The following SENP7 variants were observed in gnomAD, a reference collection of about 807,000 sequenced individuals.
SENP7 encodes the protein SUMO specific peptidase 7, also known as sentrin-specific protease 7.
A neutral mutation model predicts 141.2 loss-of-function variants in SENP7; 64 were observed. The ratio of observed to expected loss-of-function variants is 0.45; its 90% confidence interval spans 0.37 to 0.56. The LOEUF is 0.56. SENP7 is among the 20% of genes least tolerant of loss of function. The pLI is 0.00. For missense variants in SENP7, 1,025 were observed against 1,212.2 expected, an observed-to-expected ratio of 0.85 and a Z score of 2.29; for synonymous variants, 382 against 426.4, an observed-to-expected ratio of 0.90 and a Z score of 1.28.
At chr3:101,469,256 G>C (rs2063883103) in intron 3 of SENP7, among the ~76,000 whole-genome samples, 2 of 151,978 alleles carry the variant, frequency 1.3e-5, no homozygotes, top group Admixed American at 1.3e-4. Context: ...CATAAAGCAA[G>C]TCCTTAGAGA....
At chr3:101,408,115 C>A (rs1164348261) in intron 5 of SENP7, among the ~76,000 whole-genome samples, 1 of 151,988 alleles carries the variant, frequency 6.6e-6, no homozygotes, top group East Asian at 1.9e-4. Flanking sequence ...ACTGACAACA[C>A]AGAAATACAA....
At chr3:101,372,631 T>A (rs1281687855) in intron 6 of SENP7, among the ~76,000 whole-genome samples, 1 of 151,942 alleles carries the variant, frequency 6.6e-6, no homozygotes, top group African/African-American at 2.4e-5. Flanking sequence ...AAATAACAAA[T>A]TTTGGAATGA....
Position 101,331,470 on chromosome 3 carries a change from T to TAA in SENP7, c.2698+513_2698+514dup, listed in dbSNP as rs56780926. 1.8e-3 allele frequency among the ~76,000 whole-genome samples: 252 copies of TAA among 137,306 alleles called. 1 individual carries two copies. The highest frequency in any genetic ancestry group is 0.012 in the East Asian group (58 of 4,784). 90.1% of individuals were successfully genotyped at this position (137,306 alleles called of 152,430 possible). ...TGCACTACACCAAGACAACGTCTCT[T>TAA]AAAAAAAAAAAAAAAGTATGTTGTA... On this transcript the variant is annotated intron_variant, in intron 19 of 23. Transcript: ENST00000394095.
chr3:101,348,025 C>A lies in SENP7; in HGVS notation c.1684G>T (p.Val562Leu). 1 of 1,596,800 alleles carries A rather than the reference C, an allele frequency of 6.3e-7. No homozygotes were observed. The highest frequency in any genetic ancestry group is 8.5e-7 in the Non-Finnish European group (1 of 1,173,336). Residue 562 changes from valine to leucine, a missense_variant, in exon 13 of 24, where the codon GTG (valine) becomes TTG (leucine). Coordinates refer to ENST00000394095, the MANE Select transcript of SENP7 (RefSeq NM_020654.5). ...QVSLNEISLL[V>L]DTTHLKRFGL... is the part of the protein sequence containing the mutation. The stretch of plus-strand genomic sequence containing the variant: ...AACCGCTTTAAATGTGTGGTATCCA[C>A]TAGCAATGAAATCTCATTCAGGGAC...
At chr3:101,377,206 G>A (rs2060361970) in intron 6 of SENP7, among the ~76,000 whole-genome samples, 1 of 152,126 alleles carries the variant, frequency 6.6e-6, no homozygotes, top group African/African-American at 2.4e-5. Context: ...CATGAAAGGA[G>A]CTTGGAAGTT....
At chr3:101,513,208 GAAAGGAAAAAAA>G in exon 1 of SENP7, 3 of 261,572 alleles carry the variant, frequency 1.1e-5, no homozygotes, top group Non-Finnish European at 1.3e-5. Flanking sequence ...AGGGGGAGGG[GAAAGGAAAAAAA>G]AAAAAAAAAA....
chr3:101,411,233 G>C (rs2061449489), intron 5 of SENP7, among the ~76,000 whole-genome samples: 1 of 152,126 alleles, frequency 6.6e-6, no homozygotes, highest in African/African-American at 2.4e-5. Context: ...ACAATAAATG[G>C]AATATCACTT....
At chr3:101,398,011 GGCACAACAA>G (rs2061020090) in intron 6 of SENP7, among the ~76,000 whole-genome samples, 1 of 152,086 alleles carries the variant, frequency 6.6e-6, no homozygotes, top group African/African-American at 2.4e-5. Flanking sequence ...TTCTCTTATT[GGCACAACAA>G]GCTACATTTG....
At chr3:101,361,186 C>T (rs1325964205) in intron 11 of SENP7, among the ~76,000 whole-genome samples, 1 of 149,946 alleles carries the variant, frequency 6.7e-6, no homozygotes, top group East Asian at 2.0e-4. Context: ...GCACTCCAGC[C>T]TGGGTGAAAC....
intron 6 of SENP7, among the ~76,000 whole-genome samples, chr3:101,382,682 A>G (rs531393014): frequency 6.6e-6 from 1 of 152,352 alleles, no homozygotes; most frequent in East Asian, 1.9e-4. Flanking sequence ...CAGAACTTCA[A>G]TTAGGAAAGT....
intron 6 of SENP7, among the ~76,000 whole-genome samples, chr3:101,377,667 C>G (rs2060374829): frequency 6.6e-6 from 1 of 152,166 alleles, no homozygotes; most frequent in Non-Finnish European, 1.5e-5. Flanking sequence ...AGAGCCTAAA[C>G]TATGAGTTAT....
intron 6 of SENP7, among the ~76,000 whole-genome samples, chr3:101,384,526 C>T (rs1434589611): frequency 2.0e-5 from 3 of 152,226 alleles, no homozygotes; most frequent in Non-Finnish European, 2.9e-5. Context: ...ACTTGCAGTA[C>T]GACTGGTCCA....
intron 3 of SENP7, among the ~76,000 whole-genome samples, chr3:101,489,146 G>A (rs1253156947): frequency 1.3e-5 from 2 of 152,134 alleles, no homozygotes; most frequent in Non-Finnish European, 2.9e-5. Context: ...AGCCTTACAA[G>A]AAAGAGGTCC....
intron 3 of SENP7, among the ~76,000 whole-genome samples, chr3:101,461,406 A>T (rs1398645481): frequency 1.3e-5 from 2 of 152,194 alleles, no homozygotes; most frequent in African/African-American, 4.8e-5. Flanking sequence ...AAACACAAAA[A>T]AATGCAAGTC....
intron 5 of SENP7, chr3:101,414,384 C>G: frequency 1.1e-6 from 1 of 924,740 alleles, no homozygotes; most frequent in Non-Finnish European, 1.8e-6. Flanking sequence ...GCATCAAGCA[C>G]TGCCATGTGC....
intron 3 of SENP7, among the ~76,000 whole-genome samples, chr3:101,484,460 GCAA>G (rs898555170): frequency 3.9e-5 from 6 of 152,140 alleles, no homozygotes; most frequent in African/African-American, 1.4e-4. Flanking sequence ...CAGATCGACA[GCAA>G]CAACAAACCA....
intron 2 of SENP7, among the ~76,000 whole-genome samples, chr3:101,495,752 G>A (rs1019043033): frequency 3.3e-5 from 5 of 152,168 alleles, no homozygotes; most frequent in Non-Finnish European, 7.3e-5. Flanking sequence ...CTGTCAGACC[G>A]GTAGAGGGAG....
chr3:101,328,234 CTA>C (rs1429158634), intron 22 of SENP7, among the ~76,000 whole-genome samples: 2 of 152,008 alleles, frequency 1.3e-5, no homozygotes, highest in African/African-American at 2.4e-5. Flanking sequence ...CTTTGTAAAA[CTA>C]TACTTTCTGT....
chr3:101,450,774 A>G (rs2063101071), intron 4 of SENP7, among the ~76,000 whole-genome samples: 1 of 152,226 alleles, frequency 6.6e-6, no homozygotes, highest in Non-Finnish European at 1.5e-5. Flanking sequence ...AAGATCTAAT[A>G]TTGACACCCT....
Sources: allele counts gnomAD v4.1 joint callset (sites outside exome capture counted in the v4.1 genomes callset), GRCh38; gene constraint gnomAD v4.1.1; transcripts MANE v1.5; gene names NCBI Gene and HGNC (gene_info 2026-07-23, HGNC 2026-07-21).